CA12: variants seen among roughly 807,000 people sequenced by gnomAD.
The protein encoded by CA12 is carbonate dehydratase XII.
In CA12, 36 loss-of-function variants were observed where a neutral mutation model predicts 46.8. The observed-to-expected ratio is 0.77, with a 90% CI of 0.59 to 1.02. The LOEUF is 1.02. CA12 is among the 50% of genes least tolerant of loss of function. The pLI, the probability that CA12 is intolerant of heterozygous loss-of-function variation, is 0.00. For synonymous variants in CA12, 202 were observed against 187.0 expected (o/e 1.08, Z -0.65); for missense variants, 436 against 451.4 (o/e 0.97, Z 0.31).
At chr15:63,335,205 C>A (rs2038986362) in intron 8 of CA12, among the ~76,000 whole-genome samples, 1 of 152,122 alleles carries the variant, frequency 6.6e-6, no homozygotes, top group Non-Finnish European at 1.5e-5. Context: ...CACAGGACAC[C>A]CCCCACTGTA....
At chr15:63,360,200 C>G (rs185936848) in intron 2 of CA12, among the ~76,000 whole-genome samples, 14 of 152,300 alleles carry the variant, frequency 9.2e-5, no homozygotes, top group African/African-American at 3.4e-4. Context: ...TTCCCCAGCC[C>G]CAGTTCCACA....
At chr15:63,347,771 C>T (rs1245758151) in intron 2 of CA12, among the ~76,000 whole-genome samples, 1 of 152,170 alleles carries the variant, frequency 6.6e-6, no homozygotes, top group African/African-American at 2.4e-5. Flanking sequence ...TGTCATGGCT[C>T]GTTAGGGTAG....
At chr15:63,326,961 C>T (rs1215141861) in intron 10 of CA12, among the ~76,000 whole-genome samples, 188 bp downstream of exon 10, 4 of 152,198 alleles carry the variant, frequency 2.6e-5, no homozygotes, top group Non-Finnish European at 5.9e-5. Context: ...ACCCTTTGAA[C>T]GACCAGGGTC....
intron 4 of CA12, among the ~76,000 whole-genome samples, chr15:63,344,974 G>T (rs1037439538): frequency 6.6e-6 from 1 of 152,132 alleles, no homozygotes; most frequent in Non-Finnish European, 1.5e-5. Flanking sequence ...GGTACCCCTA[G>T]ACTTGTGGCC....
chr15:63,340,415 A>C lies in CA12; in HGVS notation c.620T>G (p.Ile207Ser). Residue 207 changes from isoleucine to serine, a missense_variant, in exon 7 of 11, where the codon ATT becomes AGT. Coordinates refer to ENST00000178638, the MANE Select transcript of CA12 (RefSeq NM_001218.5). The surrounding 1 kb of genome is among the most constrained non-coding windows in gnomAD (Gnocchi z 4.4). ...GGTCCTCTCCGGAAGCAGCTCTTCA[A>C]TGTTGAATCCCGGGACGAATGCTTC... Reference protein sequence around the residue: ...GQEAFVPGFNIEELLPERTAE... With the variant: ...GQEAFVPGFNSEELLPERTAE... 6.2e-7 allele frequency: 1 copy of C among 1,614,160 alleles called. No individual in the cohort carries two copies. The highest frequency in any genetic ancestry group is 1.1e-5 in the South Asian group (1 of 91,082).
chr15:63,364,109 C>T (rs1567052485), intron 2 of CA12, among the ~76,000 whole-genome samples: 1 of 151,858 alleles, frequency 6.6e-6, no homozygotes, highest in Admixed American at 6.6e-5. Context: ...ATCGCTTGAA[C>T]CCTGGAGGCG....
At chr15:63,335,181 C>T (rs1364644235) in intron 8 of CA12, among the ~76,000 whole-genome samples, 1 of 152,112 alleles carries the variant, frequency 6.6e-6, no homozygotes, top group Non-Finnish European at 1.5e-5. Flanking sequence ...AACGGTGCTG[C>T]CAATGCTACA....
Position 63,369,551 on chromosome 15 carries a change from C to G in CA12, c.106+6107G>C, listed in dbSNP as rs140010192. On this transcript the variant is annotated intron_variant, in intron 2 of 10. Coordinates refer to ENST00000178638, the MANE Select transcript of CA12 (RefSeq NM_001218.5). The stretch of plus-strand genomic sequence containing the variant: ...AAAACAAATTTCTGGGCCCCGCCCC[C>G]CAGAGTTTCTGGTTAGGAGGTAGGC... 1.1e-4 allele frequency among the ~76,000 whole-genome samples: 16 copies of G among 152,346 alleles called. No homozygotes were observed. The East Asian group carries it at 2.3e-3, about 22-fold the overall frequency.
rs954344595 is a variant in CA12, at chr15:63,372,102, T to C, written c.106+3556A>G. On this transcript the variant is annotated intron_variant, in intron 2 of 10. Transcript: ENST00000178638. This position sits in a 1 kb window ranked among gnomAD's most constrained non-coding sequence, Gnocchi z 4.5. ...CCCTTCCTGCCTCCTTCCGGTCATC[T>C]TCATCCCCCACAGGGCACATATTCT... 2.0e-5 allele frequency among the ~76,000 whole-genome samples: 3 copies of C among 152,200 alleles called. No homozygotes were observed. The highest frequency in any genetic ancestry group is 4.4e-5 in the Non-Finnish European group (3 of 68,026).
chr15:63,381,295 T>C (rs1374669940), intron 1 of CA12, among the ~76,000 whole-genome samples: 1 of 152,194 alleles, frequency 6.6e-6, no homozygotes, highest in African/African-American at 2.4e-5. Context: ...ATGTCTCTAC[T>C]TTCTAAACGT....
intron 8 of CA12, among the ~76,000 whole-genome samples, chr15:63,332,780 A>T (rs912816478): frequency 6.6e-6 from 1 of 152,246 alleles, no homozygotes; most frequent in Non-Finnish European, 1.5e-5. Context: ...TGTGTAAATC[A>T]TTCTGCAGAG....
rs1045197642 is a variant in CA12, at chr15:63,348,399, T to G, written c.107-1690A>C. Among the ~76,000 whole-genome samples the G allele has an allele frequency of 1.2e-4, 18 of 152,022 alleles. 1 individual carries two copies. The highest frequency in any genetic ancestry group is 7.4e-5 in the Non-Finnish European group (5 of 67,972). On this transcript the variant is annotated intron_variant, in intron 2 of 10. Coordinates refer to ENST00000178638, the MANE Select transcript of CA12 (RefSeq NM_001218.5). The surrounding 1 kb of genome is among the most constrained non-coding windows in gnomAD (Gnocchi z 4.6). ...CCAGGGCCAAACTGGAGTAAGACAATTATTCAGCTGGGGGCCAAACCGAAT... is the reference window on the plus strand; with the variant it reads ...CCAGGGCCAAACTGGAGTAAGACAAGTATTCAGCTGGGGGCCAAACCGAAT...
intron 2 of CA12, among the ~76,000 whole-genome samples, chr15:63,371,526 G>C (rs775983256): frequency 8.5e-5 from 13 of 152,252 alleles, no homozygotes; most frequent in Non-Finnish European, 8.8e-5. Context: ...AAGGTTTCCT[G>C]AACAGGATGG....
Position 63,326,309 on chromosome 15 carries a change from C to A in CA12, c.1041G>T (p.Lys347Asn). ...CTCAAGCGTGGGCCTCAGTCTCCAT[C>A]TTGGTGGCTGGCTTGTAAATGACTC... ...NKGVIYKPAT[K>N]METEAHA Residue 347 changes from lysine to asparagine, a missense_variant, in exon 11 of 11, where the codon AAG (lysine) becomes AAT (asparagine). Transcript: ENST00000178638. 2 of 1,614,122 alleles carry A rather than the reference C, an allele frequency of 1.2e-6. No homozygotes were observed. The highest frequency in any genetic ancestry group is 1.7e-6 in the Non-Finnish European group (2 of 1,179,980).
rs979151309 is a variant in CA12, at chr15:63,340,353, G to C, written c.682C>G (p.Pro228Ala). 16 of 1,614,176 alleles carry C rather than the reference G, an allele frequency of 9.9e-6. No individual in the cohort carries two copies. Among genetic ancestry groups the C allele is most frequent in the Non-Finnish European group, 1.1e-5 (13 of 1,180,034 alleles). Reference protein sequence around the residue: ...YYRYRGSLTTPPCNPTVLWTV... With the variant: ...YYRYRGSLTTAPCNPTVLWTV... Reference sequence around the variant, plus strand: ...CAGAGCACAGTGGGGTTGCAAGGGGGTGTGGTCAGGGACCCCCGGTAGCGG... The same window carrying C: ...CAGAGCACAGTGGGGTTGCAAGGGGCTGTGGTCAGGGACCCCCGGTAGCGG... The change falls in exon 7 of 11, where the codon CCC (proline) becomes GCC (alanine). Residue 228 changes from proline to alanine, a missense_variant. Transcript: ENST00000178638. This position sits in a 1 kb window ranked among gnomAD's most constrained non-coding sequence, Gnocchi z 4.4.
At chr15:63,367,067 C>T (rs1019535913) in intron 2 of CA12, among the ~76,000 whole-genome samples, 3 of 150,442 alleles carry the variant, frequency 2.0e-5, no homozygotes, top group Non-Finnish European at 4.4e-5. Flanking sequence ...GACTACCGCA[C>T]ATGCCACAAT....
In CA12 at chr15:63,342,057, G is replaced by C; in HGVS notation, c.470C>G (p.Ala157Gly). Residue 157 changes from alanine to glycine, a missense_variant, in exon 5 of 11, where the codon GCC (alanine) becomes GGC (glycine). Transcript: ENST00000178638. The stretch of plus-strand genomic sequence containing the variant: ...TTCTGACTTGTTGCTGGCAGTGCTG[G>C]CGTCAGGATAAAGGTCTGAGTTATA... The part of the protein sequence containing the change: ...VHYNSDLYPD[A>G]STASNKSEGL... The C allele has an allele frequency of 6.2e-7, 1 of 1,614,104 alleles. No individual in the cohort carries two copies. The highest frequency in any genetic ancestry group is 8.5e-7 in the Non-Finnish European group (1 of 1,179,976).
At chr15:63,379,845 G>GC (rs1567058107) in intron 1 of CA12, among the ~76,000 whole-genome samples, 1 of 152,176 alleles carries the variant, frequency 6.6e-6, no homozygotes. Flanking sequence ...TCACTGAAAT[G>GC]CCCCCCAAAG....
At chr15:63,364,728 T>G (rs1359164802) in intron 2 of CA12, among the ~76,000 whole-genome samples, 1 of 152,252 alleles carries the variant, frequency 6.6e-6, no homozygotes, top group East Asian at 1.9e-4. Flanking sequence ...GCCTCTTCAC[T>G]GTGCATGGCC....
Sources: allele counts gnomAD v4.1 joint callset (sites outside exome capture counted in the v4.1 genomes callset), GRCh38; gene constraint gnomAD v4.1.1; non-coding constraint Gnocchi (gnomAD v3.1); transcripts MANE v1.5; gene names NCBI Gene and HGNC (gene_info 2026-07-23, HGNC 2026-07-21).